Variants in PPP2R5C observed in about 807,000 individuals in gnomAD.
PPP2R5C encodes protein phosphatase 2 regulatory subunit B'gamma, also known as serine/threonine-protein phosphatase 2A 56 kDa regulatory subunit gamma isoform.
In PPP2R5C, 7 loss-of-function variants were observed where a neutral mutation model predicts 68.9. That is an observed-to-expected ratio of 0.10 (90% CI 0.06 to 0.19). PPP2R5C has a LOEUF of 0.19. PPP2R5C is among the 10% of genes least tolerant of loss of function. The probability of loss-of-function intolerance (pLI) is 1.00; values close to 1 mark genes in which losing one functional copy is unlikely to be tolerated. For missense variants in PPP2R5C, 348 were observed against 641.3 expected, an observed-to-expected ratio of 0.54 and a Z score of 4.94; for synonymous variants, 210 against 222.2, an observed-to-expected ratio of 0.95 and a Z score of 0.49.
chr14:101,901,579 G>A lies in PPP2R5C; in HGVS notation c.853-140G>A, dbSNP rs2045694965. 9 of 774,494 alleles carry A rather than the reference G, an allele frequency of 1.2e-5. No individual in the cohort carries two copies. In the South Asian group the frequency reaches 1.4e-4, roughly 12 times the overall value. 48.0% of individuals were successfully genotyped at this position (774,494 alleles called of 1,614,324 possible). Reference sequence around the variant, plus strand: ...AATCACATATGATGACTGAGTCACTGTTCCCTCTGTAAGGAAGATGGCACC... The same window carrying A: ...AATCACATATGATGACTGAGTCACTATTCCCTCTGTAAGGAAGATGGCACC... On this transcript the variant is annotated intron_variant, in intron 8 of 13. Transcript: ENST00000334743.
chr14:101,760,692 G>A (rs2036449944), upstream of PPP2R5C: 49 of 960,374 alleles, frequency 5.1e-5, 1 homozygote, highest in South Asian at 2.2e-3. Context: ...CGGATGGGCG[G>A]GACCTCGCGG....
chr14:101,893,222 A>T (rs2045074645), intron 7 of PPP2R5C, 114 bp downstream of exon 9: 2 of 632,422 alleles, frequency 3.2e-6, no homozygotes, highest in Middle Eastern at 2.6e-4. Context: ...GGCCTGTACT[A>T]ACTTTGGTAA....
rs2043833481 is a variant in PPP2R5C at position 101,877,101 on chromosome 14, A to G, written c.295-5060A>G. Among the ~76,000 whole-genome samples, 1 of 151,692 alleles carries G rather than the reference A, an allele frequency of 6.6e-6. No individual in the cohort carries two copies. Among genetic ancestry groups the G allele is most frequent in the Non-Finnish European group, 1.5e-5 (1 of 67,924 alleles). ...GTAGCTGGGATTACAGGCACCCACC[A>G]CCACACCCAGCTAAGTTTTGTATTT... On this transcript the variant is annotated intron_variant, in intron 2 of 13. Transcript: ENST00000334743. This position sits in a 1 kb window ranked among gnomAD's most constrained non-coding sequence, Gnocchi z 4.2.
intron 2 of PPP2R5C, among the ~76,000 whole-genome samples, chr14:101,866,975 G>A (rs2043109465): frequency 6.6e-6 from 1 of 152,130 alleles, no homozygotes; most frequent in Non-Finnish European, 1.5e-5. Flanking sequence ...CCAGCACTTT[G>A]GGAGGCTGAA....
intron 2 of PPP2R5C, among the ~76,000 whole-genome samples, chr14:101,862,972 T>G (rs919350147): frequency 2.6e-5 from 4 of 151,916 alleles, no homozygotes; most frequent in Non-Finnish European, 5.9e-5. Flanking sequence ...GAGTCTACAC[T>G]GCAAGTGTGC....
rs373429203 is a variant in PPP2R5C at position 101,781,166 on chromosome 14, G to A, written c.94-4852G>A. 5.0e-4 allele frequency among the ~76,000 whole-genome samples: 76 copies of A among 152,306 alleles called. 1 individual carries two copies. The highest frequency in any genetic ancestry group is 1.7e-3 in the African/African-American group (71 of 41,554). On this transcript the variant is annotated intron_variant, in intron 2 of 14. Transcript: ENST00000328724. This position sits in a 1 kb window ranked among gnomAD's most constrained non-coding sequence, Gnocchi z 6.4. ...CAGAGCAGGGAGGGAGCCGGGTGTCGGGGCTGCGGCAGGGTCCCCACCGGG... is the reference window on the plus strand; with the variant it reads ...CAGAGCAGGGAGGGAGCCGGGTGTCAGGGCTGCGGCAGGGTCCCCACCGGG...
intron 2 of PPP2R5C, among the ~76,000 whole-genome samples, chr14:101,780,429 C>A (rs1489489119): frequency 6.6e-6 from 1 of 152,164 alleles, no homozygotes; most frequent in Admixed American, 6.5e-5. Context: ...GATTTTGCCC[C>A]CCAAGGGACA....
At chr14:101,849,397 T>TG (rs2042018885) in intron 1 of PPP2R5C, among the ~76,000 whole-genome samples, 1 of 152,172 alleles carries the variant, frequency 6.6e-6, no homozygotes, top group Non-Finnish European at 1.5e-5. Context: ...TTGTCCGTAG[T>TG]GGTTTTAATT....
At chr14:101,842,462 G>A (rs997817375) in intron 1 of PPP2R5C, among the ~76,000 whole-genome samples, 9 of 152,202 alleles carry the variant, frequency 5.9e-5, no homozygotes, top group Non-Finnish European at 1.3e-4. Context: ...AGGGGAGTGA[G>A]GAGCAAGCTG....
chr14:101,841,920 TCC>T (rs2041498723), intron 1 of PPP2R5C, among the ~76,000 whole-genome samples: 1 of 152,012 alleles, frequency 6.6e-6, no homozygotes, highest in Non-Finnish European at 1.5e-5. Flanking sequence ...AGCTCTCAGC[TCC>T]CCATGGAGCT....
intron 2 of PPP2R5C, among the ~76,000 whole-genome samples, chr14:101,867,682 G>A (rs2043165570): frequency 6.6e-6 from 1 of 152,046 alleles, no homozygotes; most frequent in Non-Finnish European, 1.5e-5. Flanking sequence ...GGAGGCTGAG[G>A]CAGAAGGATT....
At chr14:101,838,727 CCTTT>C (rs549995713) in intron 1 of PPP2R5C, among the ~76,000 whole-genome samples, 45 of 152,222 alleles carry the variant, frequency 3.0e-4, no homozygotes, top group Non-Finnish European at 6.3e-4. Flanking sequence ...GTTGTGTTGT[CCTTT>C]CTTCTTGGTT....
Position 101,906,858 on chromosome 14 carries a change from G to A in PPP2R5C, c.1151+329G>A, listed in dbSNP as rs2046057017. ...CCAGTGGGGCTCAGCCCCGGCGGGG[G>A]CACAGTGGCCACTGCATTCTCGGGG... On this transcript the variant is annotated intron_variant, in intron 10 of 13. Transcript: ENST00000334743. The surrounding 1 kb of genome is among the most constrained non-coding windows in gnomAD (Gnocchi z 4.0). Among the ~76,000 whole-genome samples, 1 of 152,072 alleles carries A rather than the reference G, an allele frequency of 6.6e-6. No individual in the cohort carries two copies. The highest frequency in any genetic ancestry group is 1.5e-5 in the Non-Finnish European group (1 of 68,008).
upstream of PPP2R5C, among the ~76,000 whole-genome samples, chr14:101,807,004 G>A (rs1473369535): frequency 6.6e-6 from 1 of 152,108 alleles, no homozygotes; most frequent in Non-Finnish European, 1.5e-5. Context: ...TAATATGAGC[G>A]CTATTCCTGA....
chr14:101,820,995 G>C (rs1230058759), intron 1 of PPP2R5C: 1 of 151,464 alleles, frequency 6.6e-6, no homozygotes, highest in African/African-American at 2.4e-5. Context: ...TGGAAAACAC[G>C]TGGACTTGGA....
At chr14:101,840,774 G>A (rs1051974706) in intron 1 of PPP2R5C, among the ~76,000 whole-genome samples, 5 of 152,056 alleles carry the variant, frequency 3.3e-5, no homozygotes, top group African/African-American at 1.2e-4. Context: ...TGTTTATCAG[G>A]GCATATGCAT....
At chr14:101,798,110 C>T (rs189977476) in intron 3 of PPP2R5C, among the ~76,000 whole-genome samples, 1 of 151,938 alleles carries the variant, frequency 6.6e-6, no homozygotes, top group East Asian at 1.9e-4. Flanking sequence ...CAGATTCTTA[C>T]CCAACAAAGC....
At chr14:101,813,557 G>T (rs1002103613) in intron 1 of PPP2R5C, among the ~76,000 whole-genome samples, 5 of 152,258 alleles carry the variant, frequency 3.3e-5, no homozygotes, top group Admixed American at 6.5e-5. Flanking sequence ...GGCGTGGTGG[G>T]TGGGCCCACT....
At chr14:101,788,177 A>G (rs1489910724) in intron 3 of PPP2R5C, among the ~76,000 whole-genome samples, 1 of 152,182 alleles carries the variant, frequency 6.6e-6, no homozygotes, top group Admixed American at 6.5e-5. Context: ...AATGCCCATC[A>G]CAGCTGGGGC....
Sources: gnomAD v4.1 joint callset for allele counts (sites outside exome capture counted in the v4.1 genomes callset) on GRCh38, gnomAD v4.1.1 for gene constraint, Gnocchi (gnomAD v3.1) non-coding constraint, MANE v1.5 for transcripts, NCBI Gene and HGNC (gene_info 2026-07-23, HGNC 2026-07-21) for gene names.